PTPRD: variants seen among roughly 807,000 people sequenced by gnomAD.
PTPRD encodes the protein receptor-type tyrosine-protein phosphatase delta.
Under a neutral mutation model 214.5 loss-of-function variants are expected in PTPRD, and 34 were observed. The observed-to-expected ratio is 0.16, with a 90% CI of 0.12 to 0.21. The LOEUF (loss-of-function observed/expected upper bound fraction) is 0.21, where lower values mean the gene tolerates loss of function less well. PTPRD is among the 10% of genes least tolerant of loss of function. The pLI is 1.00. For synonymous variants in PTPRD, 1,128 were observed against 845.7 expected (o/e 1.33, Z -5.79); for missense variants, 2,545 against 2,398.7 (o/e 1.06, Z -1.27).
chr9:10,163,022 T>C (rs1256859552), intron 3 of PTPRD, among the ~76,000 whole-genome samples: 2 of 150,764 alleles, frequency 1.3e-5, no homozygotes, highest in Non-Finnish European at 3.0e-5. Context: ...TGTCTATCTC[T>C]CTATATAGAG....
intron 3 of PTPRD, among the ~76,000 whole-genome samples, chr9:10,126,073 G>A (rs1444231555): frequency 1.3e-5 from 2 of 152,098 alleles, no homozygotes; most frequent in Admixed American, 1.3e-4. Context: ...ATATACGGAA[G>A]TTGTATTTTC....
At chr9:9,816,749 T>C (rs1035672102) in intron 5 of PTPRD, among the ~76,000 whole-genome samples, 7 of 151,996 alleles carry the variant, frequency 4.6e-5, no homozygotes, top group Admixed American at 3.3e-4. Flanking sequence ...CTATCATCAA[T>C]AAAAGTCATG....
At chr9:10,101,055 G>T (rs1563808456) in intron 3 of PTPRD, among the ~76,000 whole-genome samples, 1 of 151,530 alleles carries the variant, frequency 6.6e-6, no homozygotes. Flanking sequence ...TAGACAGCCT[G>T]GCCAGAAACC....
intron 7 of PTPRD, among the ~76,000 whole-genome samples, chr9:9,597,397 T>G (rs2154334623): frequency 6.6e-6 from 1 of 152,112 alleles, no homozygotes; most frequent in Admixed American, 6.6e-5. Context: ...TGGCTTAAAT[T>G]CCATCGAGGA....
At chr9:10,101,635 T>A (rs16931082) in intron 3 of PTPRD, among the ~76,000 whole-genome samples, 7,973 of 151,738 alleles carry the variant, frequency 0.053, 272 homozygotes, top group Admixed American at 0.1. Context: ...TTTCCACAGA[T>A]GCTTTGCACA....
intron 8 of PTPRD, among the ~76,000 whole-genome samples, chr9:9,552,353 C>G (rs2080487779): frequency 6.6e-6 from 1 of 152,024 alleles, no homozygotes; most frequent in Non-Finnish European, 1.5e-5. Context: ...TTGCCATTTT[C>G]TATATTTAGT....
chr9:9,735,244 C>T (rs1180958580), intron 6 of PTPRD, among the ~76,000 whole-genome samples: 1 of 152,188 alleles, frequency 6.6e-6, no homozygotes, highest in Admixed American at 6.5e-5. Flanking sequence ...AAGAAAATGG[C>T]AAACATTGTG....
At chr9:10,163,160 T>G (rs1038389378) in intron 3 of PTPRD, among the ~76,000 whole-genome samples, 2 of 144,964 alleles carry the variant, frequency 1.4e-5, no homozygotes, top group Admixed American at 1.3e-4. Flanking sequence ...TTTTTAAATT[T>G]TGATTATCCT....
chr9:10,446,900 C>A (rs971456677), intron 2 of PTPRD, among the ~76,000 whole-genome samples: 1 of 152,090 alleles, frequency 6.6e-6, no homozygotes, highest in Non-Finnish European at 1.5e-5. Flanking sequence ...TGCTTATATA[C>A]CTCCAGTTAT....
intron 2 of PTPRD, among the ~76,000 whole-genome samples, chr9:10,492,286 C>T (rs1427626300): frequency 6.6e-6 from 1 of 152,132 alleles, no homozygotes; most frequent in Non-Finnish European, 1.5e-5. Context: ...AGAATTGCCA[C>T]ACAGTCTTCC....
chr9:8,831,516 AT>A (rs1218924515), intron 11 of PTPRD, among the ~76,000 whole-genome samples: 1 of 152,198 alleles, frequency 6.6e-6, no homozygotes, highest in African/African-American at 2.4e-5. Context: ...TAAAAAGCAA[AT>A]CCCAATCCAA....
intron 7 of PTPRD, among the ~76,000 whole-genome samples, chr9:9,653,344 G>T (rs1214859684): frequency 3.9e-5 from 2 of 50,724 alleles, no homozygotes; most frequent in African/African-American, 8.7e-5. Context: ...GCGAGACTCC[G>T]TCTCAAAAAA....
At chr9:9,774,155 T>C (rs2098777316) in intron 5 of PTPRD, among the ~76,000 whole-genome samples, 1 of 152,204 alleles carries the variant, frequency 6.6e-6, no homozygotes. Context: ...CAGGTCACAG[T>C]GTGCCCCGCA....
intron 3 of PTPRD, among the ~76,000 whole-genome samples, chr9:10,065,056 G>A (rs987521867): frequency 6.6e-6 from 1 of 151,566 alleles, no homozygotes. Flanking sequence ...AGCATACATA[G>A]TAATTTGCCT....
chr9:8,527,449 T>C, intron 15 of PTPRD, 96 bp from the exon 16 acceptor site: 1 of 1,044,360 alleles, frequency 9.6e-7, no homozygotes. Flanking sequence ...AAGCTTTATA[T>C]ACTAAATCAT....
intron 4 of PTPRD, among the ~76,000 whole-genome samples, chr9:9,945,122 G>C (rs751090783): frequency 6.6e-6 from 1 of 152,062 alleles, no homozygotes; most frequent in African/African-American, 2.4e-5. Context: ...CTATGTAAGA[G>C]GTTACCATTT....
At chr9:9,318,215 A>G (rs1200121256) in intron 9 of PTPRD, among the ~76,000 whole-genome samples, 1 of 145,280 alleles carries the variant, frequency 6.9e-6, no homozygotes, top group Non-Finnish European at 1.5e-5. Flanking sequence ...ACAAAAACAA[A>G]CAAAAAACCA....
intron 11 of PTPRD, among the ~76,000 whole-genome samples, chr9:8,991,521 C>A (rs985189943): frequency 6.6e-6 from 1 of 152,018 alleles, no homozygotes; most frequent in Non-Finnish European, 1.5e-5. Flanking sequence ...TACCCTCAGT[C>A]CTGTATGAAG....
At chr9:9,792,697 T>A (rs1032421174) in intron 5 of PTPRD, among the ~76,000 whole-genome samples, 1 of 152,172 alleles carries the variant, frequency 6.6e-6, no homozygotes, top group South Asian at 2.1e-4. Flanking sequence ...GTATAAATCA[T>A]AATAGCTCAT....
Sources: allele counts gnomAD v4.1 joint callset (sites outside exome capture counted in the v4.1 genomes callset), GRCh38; gene constraint gnomAD v4.1.1; transcripts MANE v1.5; gene names NCBI Gene and HGNC (gene_info 2026-07-23, HGNC 2026-07-21).